Variants in FAF1 observed in about 807,000 individuals in gnomAD.
FAF1 encodes the protein FAS-associated factor 1.
FAF1 carries 25 observed loss-of-function variants against 92.5 expected under a neutral mutation model. The ratio of observed to expected loss-of-function variants is 0.27; its 90% CI spans 0.20 to 0.38. The LOEUF is 0.38. Among genes scored for constraint, FAF1 ranks in the 10% least tolerant of loss-of-function variants. The pLI is 1.00. For missense variants in FAF1, 636 were observed against 793.3 expected (o/e 0.80, Z 2.38); for synonymous variants, 234 against 273.2 (o/e 0.86, Z 1.42).
chr1:50,954,060 T>C (rs1645244258), intron 1 of FAF1, among the ~76,000 whole-genome samples: 2 of 152,046 alleles, frequency 1.3e-5, no homozygotes, highest in Non-Finnish European at 2.9e-5. Context: ...GCCATTCTCC[T>C]GCCTCAGCCT....
In FAF1 at chr1:50,736,487, C is replaced by T. The variant is rs181199380; in HGVS notation, c.551+2376G>A. On this transcript the variant is annotated intron_variant, in intron 6 of 18. Transcript: ENST00000396153. ...TAAAGTGGCTGGGCACAGTGGCTCACGCCTGTAATCCCAGCACTTTGGGAG... is the reference window on the plus strand; with the variant it reads ...TAAAGTGGCTGGGCACAGTGGCTCATGCCTGTAATCCCAGCACTTTGGGAG... Among the ~76,000 whole-genome samples, 15 of 152,262 alleles carry T rather than the reference C, an allele frequency of 9.9e-5. No homozygotes were observed. In the East Asian group the frequency reaches 2.9e-3, roughly 29 times the overall value.
intron 1 of FAF1, among the ~76,000 whole-genome samples, chr1:50,917,624 AAAAGGAAAGGAAAGG>A (rs149219997): frequency 0.19 from 13,868 of 72,158 alleles, 1,544 homozygotes; most frequent in East Asian, 0.47. Flanking sequence ...AGGGAAAGGA[AAAAGGAAAGGAAAGG>A]AAAGGAAAGG....
intron 6 of FAF1, among the ~76,000 whole-genome samples, chr1:50,709,986 T>A: frequency 6.6e-6 from 1 of 152,110 alleles, no homozygotes; most frequent in East Asian, 1.9e-4. Context: ...AAGAAACGTG[T>A]TAGAAAGCAA....
chr1:50,749,621 GC>G (rs1659771501), intron 4 of FAF1, among the ~76,000 whole-genome samples: 1 of 152,044 alleles, frequency 6.6e-6, no homozygotes, highest in African/African-American at 2.4e-5. Context: ...CACCACCACT[GC>G]AAAAAATTTT....
At chr1:50,837,659 G>C (rs1233059184) in intron 2 of FAF1, among the ~76,000 whole-genome samples, 1 of 151,792 alleles carries the variant, frequency 6.6e-6, no homozygotes, top group African/African-American at 2.4e-5. Flanking sequence ...TATAAAGTTT[G>C]TACCAAATAC....
At chr1:50,616,797 C>T (rs1306228526) in intron 8 of FAF1, among the ~76,000 whole-genome samples, 1 of 151,874 alleles carries the variant, frequency 6.6e-6, no homozygotes, top group African/African-American at 2.4e-5. Flanking sequence ...TCTTGTGCCT[C>T]AGTCTCCTGA....
intron 15 of FAF1, among the ~76,000 whole-genome samples, chr1:50,504,058 C>T (rs1647024795): frequency 6.6e-6 from 1 of 152,136 alleles, no homozygotes; most frequent in Non-Finnish European, 1.5e-5. Flanking sequence ...CCTCAATATA[C>T]ATTTAGAAAA....
chr1:50,804,178 C>T (rs751577354), intron 2 of FAF1, among the ~76,000 whole-genome samples: 1 of 152,162 alleles, frequency 6.6e-6, no homozygotes, highest in Non-Finnish European at 1.5e-5. Flanking sequence ...GACAGCTTGC[C>T]TTCTACGTAG....
At chr1:50,837,453 C>T (rs1472309901) in intron 2 of FAF1, among the ~76,000 whole-genome samples, 2 of 152,134 alleles carry the variant, frequency 1.3e-5, no homozygotes, top group Non-Finnish European at 1.5e-5. Context: ...GTTGCTTCCT[C>T]ATGATTAGAT....
At chr1:50,937,643 T>C (rs762425899) in intron 1 of FAF1, among the ~76,000 whole-genome samples, 14 of 152,160 alleles carry the variant, frequency 9.2e-5, no homozygotes, top group Admixed American at 6.5e-5. Flanking sequence ...CTATGACATA[T>C]CTAATATTAT....
chr1:50,589,326 G>A (rs1460484443), intron 9 of FAF1, among the ~76,000 whole-genome samples: 2 of 152,034 alleles, frequency 1.3e-5, no homozygotes, highest in Non-Finnish European at 2.9e-5. Context: ...AGGTGCTTAG[G>A]CACCTGAAAA....
intron 1 of FAF1, among the ~76,000 whole-genome samples, chr1:50,930,757 C>G (rs1304464338): frequency 6.6e-6 from 1 of 151,984 alleles, no homozygotes; most frequent in Non-Finnish European, 1.5e-5. Context: ...GAGCCGAGAT[C>G]GTGCCACTGC....
At chr1:50,506,737 A>T (rs898995911) in intron 15 of FAF1, among the ~76,000 whole-genome samples, 1 of 152,174 alleles carries the variant, frequency 6.6e-6, no homozygotes, top group African/African-American at 2.4e-5. Context: ...TTTACACATT[A>T]TTATCTTATT....
intron 2 of FAF1, among the ~76,000 whole-genome samples, chr1:50,817,915 T>G (rs1337767576): frequency 6.6e-6 from 1 of 152,148 alleles, no homozygotes; most frequent in Non-Finnish European, 1.5e-5. Context: ...TAGTACATAT[T>G]CTGCAATAAT....
intron 7 of FAF1, among the ~76,000 whole-genome samples, chr1:50,703,925 T>C (rs975353963): frequency 3.3e-5 from 5 of 152,194 alleles, no homozygotes; most frequent in African/African-American, 1.2e-4. Flanking sequence ...ACATTTCAAC[T>C]TGTCAGTATG....
intron 7 of FAF1, among the ~76,000 whole-genome samples, chr1:50,678,762 G>C (rs1656271575): frequency 1.0e-5 from 1 of 96,976 alleles, no homozygotes; most frequent in Non-Finnish European, 1.9e-5. Flanking sequence ...ACTGGTGACA[G>C]AGAGACTCCA....
chr1:50,725,461 A>G (rs1004852119), intron 6 of FAF1, among the ~76,000 whole-genome samples: 25 of 152,122 alleles, frequency 1.6e-4, no homozygotes, highest in African/African-American at 5.8e-4. Flanking sequence ...GACATTTAAA[A>G]AAAATTTTTT....
At chr1:50,857,670 C>T (rs1227198148) in intron 2 of FAF1, among the ~76,000 whole-genome samples, 2 of 151,612 alleles carry the variant, frequency 1.3e-5, no homozygotes, top group African/African-American at 2.4e-5. Context: ...CAAAAAATTA[C>T]GTGGGAAGAT....
rs117514254 is a variant in FAF1, at chr1:50,631,076, C to T, written c.744+24366G>A. Among the ~76,000 whole-genome samples, 107 of 152,126 alleles carry T rather than the reference C, an allele frequency of 7.0e-4. 3 individuals are homozygous for T. The East Asian group carries it at 0.02, about 28-fold the overall frequency. On this transcript the variant is annotated intron_variant, in intron 8 of 18. Transcript: ENST00000396153. Reference sequence around the variant, plus strand: ...AAGTGCTGGGATTATAGGCATGAGCCACAGTGCCCAGCCTCTATTTTCATT... The same window carrying T: ...AAGTGCTGGGATTATAGGCATGAGCTACAGTGCCCAGCCTCTATTTTCATT...
Sources: gnomAD v4.1 joint callset for allele counts (sites outside exome capture counted in the v4.1 genomes callset) on GRCh38, gnomAD v4.1.1 for gene constraint, MANE v1.5 for transcripts, NCBI Gene and HGNC (gene_info 2026-07-23, HGNC 2026-07-21) for gene names.